Variants in SGPP2 observed in about 807,000 individuals in gnomAD.
SGPP2 encodes sphingosine-1-phosphate phosphatase 2.
Under a neutral mutation model 33.9 loss-of-function variants are expected in SGPP2, and 30 were observed. That is an observed-to-expected ratio of 0.89 (90% CI 0.66 to 1.20). SGPP2 has a LOEUF of 1.20. Ranked by LOEUF, SGPP2 falls within the 50% of genes most tolerant of loss-of-function variation. SGPP2 has a pLI of 0.00. For missense variants in SGPP2, 458 were observed against 532.1 expected, an observed-to-expected ratio of 0.86 and a Z score of 1.37; for synonymous variants, 233 against 225.0, an observed-to-expected ratio of 1.04 and a Z score of -0.32.
chr2:222,435,530 T>C (rs1259776141), intron 1 of SGPP2, among the ~76,000 whole-genome samples: 1 of 152,176 alleles, frequency 6.6e-6, no homozygotes, highest in East Asian at 1.9e-4. Context: ...AGATCATATG[T>C]AATCTTCATA....
intron 2 of SGPP2, among the ~76,000 whole-genome samples, chr2:222,515,043 A>C (rs981125334): frequency 8.6e-5 from 13 of 151,610 alleles, no homozygotes; most frequent in Non-Finnish European, 1.6e-4. Flanking sequence ...AAGAAACCAC[A>C]TTCTTCAAAT....
At chr2:222,545,130 C>T (rs910418984) in intron 4 of SGPP2, among the ~76,000 whole-genome samples, 2 of 152,088 alleles carry the variant, frequency 1.3e-5, no homozygotes, top group African/African-American at 4.8e-5. Context: ...GACTTTACTG[C>T]AATGAAAAAT....
upstream of SGPP2, chr2:222,424,481 C>CCCCG: frequency 1.7e-6 from 1 of 571,708 alleles, no homozygotes; most frequent in African/African-American, 2.0e-5. Context: ...GGGCCCGGGG[C>CCCCG]CCCGCCCGCC....
At chr2:222,463,526 C>G (rs73993559) in intron 1 of SGPP2, among the ~76,000 whole-genome samples, 1,661 of 152,204 alleles carry the variant, frequency 0.011, 30 homozygotes, top group African/African-American at 0.037. Flanking sequence ...AGAGTGAGAC[C>G]CTGTCTCTAT....
intron 2 of SGPP2, among the ~76,000 whole-genome samples, chr2:222,507,718 C>A (rs944741326): frequency 6.6e-6 from 1 of 152,158 alleles, no homozygotes; most frequent in Non-Finnish European, 1.5e-5. Flanking sequence ...GTTCTAATCC[C>A]CTTGTGAATC....
At chr2:222,526,700 G>C (rs1405967307) in intron 4 of SGPP2, among the ~76,000 whole-genome samples, 2 of 152,218 alleles carry the variant, frequency 1.3e-5, no homozygotes, top group Non-Finnish European at 2.9e-5. Flanking sequence ...GAAAAGGAAT[G>C]AGATCATGTC....
chr2:222,551,308 A>G (rs1018763031), intron 4 of SGPP2, among the ~76,000 whole-genome samples: 4 of 152,184 alleles, frequency 2.6e-5, no homozygotes, highest in African/African-American at 7.2e-5. Context: ...CTGGCCTCAC[A>G]TACTGTGCCA....
At chr2:222,539,582 C>T (rs1698962302) in intron 4 of SGPP2, among the ~76,000 whole-genome samples, 1 of 152,164 alleles carries the variant, frequency 6.6e-6, no homozygotes, top group Admixed American at 6.5e-5. Flanking sequence ...ACTGTAGCTG[C>T]CTTGGTTGCC....
At chr2:222,426,211 A>AT (rs1697068697) in intron 1 of SGPP2, among the ~76,000 whole-genome samples, 1 of 133,548 alleles carries the variant, frequency 7.5e-6, no homozygotes, top group Non-Finnish European at 1.5e-5. Flanking sequence ...CTCCGTCTCA[A>AT]AAAAAAAAAA....
At chr2:222,473,776 T>G (rs1697886045) in intron 1 of SGPP2, among the ~76,000 whole-genome samples, 1 of 151,928 alleles carries the variant, frequency 6.6e-6, no homozygotes, top group South Asian at 2.1e-4. Flanking sequence ...AATACAAAAT[T>G]AGCTGGGTGT....
At chr2:222,435,619 A>C (rs1697228134) in intron 1 of SGPP2, among the ~76,000 whole-genome samples, 1 of 152,256 alleles carries the variant, frequency 6.6e-6, no homozygotes. Flanking sequence ...ACCACGCCCC[A>C]ACGCAAGTAC....
At chr2:222,491,725 C>G (rs1391809469) in intron 2 of SGPP2, among the ~76,000 whole-genome samples, 1 of 152,110 alleles carries the variant, frequency 6.6e-6, no homozygotes, top group East Asian at 1.9e-4. Flanking sequence ...CCTCATATTT[C>G]AACACACAAT....
intron 2 of SGPP2, among the ~76,000 whole-genome samples, chr2:222,507,765 A>T (rs1435006192): frequency 6.6e-6 from 1 of 152,220 alleles, no homozygotes; most frequent in Admixed American, 6.5e-5. Context: ...ATGCGCTGGT[A>T]TGTAAATACC....
At chr2:222,475,271 GT>G (rs1414365758) in intron 2 of SGPP2, among the ~76,000 whole-genome samples, 1 of 152,172 alleles carries the variant, frequency 6.6e-6, no homozygotes, top group African/African-American at 2.4e-5. Flanking sequence ...GTTTCACCAT[GT>G]TGACCAGGCT....
intron 2 of SGPP2, among the ~76,000 whole-genome samples, chr2:222,510,214 G>A (rs976325451): frequency 6.6e-6 from 1 of 152,240 alleles, no homozygotes; most frequent in Non-Finnish European, 1.5e-5. Flanking sequence ...GAGGACACAT[G>A]CTTTCCATTC....
At chr2:222,452,492 C>T in intron 1 of SGPP2, 7 of 868,678 alleles carry the variant, frequency 8.1e-6, no homozygotes, top group South Asian at 2.6e-5. Context: ...TGCTTTATTA[C>T]GTTATGGCTT....
At chr2:222,452,778 A>C (rs1697511946) in intron 1 of SGPP2, 2 of 1,505,942 alleles carry the variant, frequency 1.3e-6, no homozygotes, top group Non-Finnish European at 1.8e-6. Context: ...AGAAGAGTAG[A>C]GGCTGGGGTA....
Position 222,558,709 on chromosome 2 carries a change from G to C in SGPP2, c.1011G>C (p.Leu337Phe). Residue 337 changes from leucine (L) to phenylalanine (F), a missense_variant, in exon 5 of 5, where the codon TTG becomes TTC. Leu to Phe is a conservative substitution (Grantham distance 22, BLOSUM62 0). Coordinates refer to ENST00000321276, the MANE Select transcript of SGPP2 (RefSeq NM_152386.4). The part of the protein sequence containing the change: ...KFAVGIVLIL[L>F]VRQLVQNLSL... ...CAGTGGGAATTGTGTTGATCCTCTT[G>C]GTTCGTCAGCTTGTACAAAATCTCT... 3 of 1,614,148 alleles carry C rather than the reference G, an allele frequency of 1.9e-6. No individual in the cohort carries two copies. The highest frequency in any genetic ancestry group is 2.5e-6 in the Non-Finnish European group (3 of 1,180,024).
At chr2:222,456,744 G>C (rs957956384) in intron 1 of SGPP2, among the ~76,000 whole-genome samples, 1 of 152,168 alleles carries the variant, frequency 6.6e-6, no homozygotes, top group Non-Finnish European at 1.5e-5. Flanking sequence ...ACATCTGTAT[G>C]CTCATGGAAG....
Sources: allele counts gnomAD v4.1 joint callset (sites outside exome capture counted in the v4.1 genomes callset), GRCh38; gene constraint gnomAD v4.1.1; transcripts MANE v1.5; gene names NCBI Gene and HGNC (gene_info 2026-07-23, HGNC 2026-07-21).